Variants in NBAS observed in about 807,000 individuals in gnomAD.
The protein encoded by NBAS is NAG/BC035112 fusion.
In NBAS, 219 loss-of-function variants were observed where a neutral mutation model predicts 302.5. The observed-to-expected ratio is 0.72, with a 90% confidence interval of 0.65 to 0.81. The LOEUF (loss-of-function observed/expected upper bound fraction) is 0.81. NBAS is among the 30% of genes least tolerant of loss of function. The probability of loss-of-function intolerance (pLI) is 0.00; values close to 1 mark genes in which losing one functional copy is unlikely to be tolerated. For synonymous variants in NBAS, 1,118 were observed against 1,021.6 expected (o/e 1.09, Z -1.80); for missense variants, 2,932 against 2,841.6 (o/e 1.03, Z -0.72).
chr2:14,818,564 C>T, the NBAS span, among the ~76,000 whole-genome samples: 3 of 152,254 alleles, frequency 2.0e-5, no homozygotes, highest in South Asian at 6.2e-4. Flanking sequence ...CAGCATGTCT[C>T]TCTCAACAGA....
intron 48 of NBAS, among the ~76,000 whole-genome samples, chr2:15,195,703 T>C (rs915562802): frequency 2.0e-5 from 3 of 152,188 alleles, no homozygotes; most frequent in South Asian, 2.1e-4. Flanking sequence ...AGAAAACTCC[T>C]GAAGCTGGTG....
chr2:15,275,286 A>G (rs557168498), intron 44 of NBAS, among the ~76,000 whole-genome samples, 198 bp downstream of exon 44: 45 of 152,338 alleles, frequency 3.0e-4, no homozygotes, highest in African/African-American at 7.7e-4. Context: ...CTATTTTAGC[A>G]TATTTGTACA....
the NBAS span, among the ~76,000 whole-genome samples, chr2:15,097,922 T>TTATATTGTATATAA: frequency 1.7e-5 from 2 of 117,796 alleles, no homozygotes; most frequent in African/African-American, 6.5e-5. Flanking sequence ...ATATTATATA[T>TTATATTGTATATAA]TATATATATT....
the NBAS span, among the ~76,000 whole-genome samples, chr2:15,129,937 C>T: frequency 6.6e-6 from 1 of 152,346 alleles, no homozygotes; most frequent in South Asian, 2.1e-4. Flanking sequence ...TTAAAATACA[C>T]ATAACGTAAA....
At chr2:15,522,441 C>T (rs937331986) in intron 9 of NBAS, among the ~76,000 whole-genome samples, 3 of 152,084 alleles carry the variant, frequency 2.0e-5, no homozygotes, top group African/African-American at 7.2e-5. Context: ...ATGATGAACA[C>T]AGAATATAAT....
the NBAS span, among the ~76,000 whole-genome samples, chr2:15,142,366 G>A: frequency 1.3e-5 from 2 of 152,222 alleles, no homozygotes; most frequent in Non-Finnish European, 2.9e-5. Context: ...TGTCACATCC[G>A]GGAGGAGGCA....
chr2:14,819,924 A>T, the NBAS span, among the ~76,000 whole-genome samples: 1 of 152,258 alleles, frequency 6.6e-6, no homozygotes, highest in Non-Finnish European at 1.5e-5. Context: ...CCTCAACATC[A>T]TTGATCATCA....
the NBAS span, among the ~76,000 whole-genome samples, chr2:15,108,859 T>C: frequency 6.6e-6 from 1 of 152,130 alleles, no homozygotes; most frequent in Admixed American, 6.6e-5. Context: ...TAGGGTAGCA[T>C]ATAAGATCAA....
intron 13 of NBAS, 130 bp downstream of exon 13, chr2:15,478,096 C>T: frequency 1.7e-6 from 1 of 583,044 alleles, no homozygotes; most frequent in Non-Finnish European, 2.9e-6. Context: ...TGACCCAACT[C>T]TATGAAATCT....
chr2:14,783,505 G>A, the NBAS span, among the ~76,000 whole-genome samples: 2 of 126,482 alleles, frequency 1.6e-5, no homozygotes, highest in Non-Finnish European at 3.1e-5. Context: ...AGAGTGTGAT[G>A]TTCCCCTTCC....
chr2:14,929,744 T>C, the NBAS span, among the ~76,000 whole-genome samples: 1 of 152,148 alleles, frequency 6.6e-6, no homozygotes, highest in Non-Finnish European at 1.5e-5. Context: ...TCTCTGAATA[T>C]TCCTAGCACA....
chr2:15,057,314 G>GAA, the NBAS span, among the ~76,000 whole-genome samples: 493 of 135,690 alleles, frequency 3.6e-3, 4 homozygotes, highest in Non-Finnish European at 4.7e-3. Context: ...ACAGAAATTT[G>GAA]AAAAAAAAAA....
chr2:15,496,877 C>T (rs929590170), intron 11 of NBAS, among the ~76,000 whole-genome samples: 12 of 151,898 alleles, frequency 7.9e-5, no homozygotes, highest in Admixed American at 2.6e-4. Flanking sequence ...TTGATTACTG[C>T]TATGGAAGAA....
chr2:15,222,879 T>G (rs1269263057), intron 47 of NBAS, among the ~76,000 whole-genome samples: 1 of 152,230 alleles, frequency 6.6e-6, no homozygotes, highest in Non-Finnish European at 1.5e-5. Context: ...TTTCAAGTTA[T>G]TAAATCAAAT....
chr2:14,968,538 A>T, the NBAS span, among the ~76,000 whole-genome samples: 1 of 152,214 alleles, frequency 6.6e-6, no homozygotes, highest in Non-Finnish European at 1.5e-5. Flanking sequence ...CTTGGCTTCA[A>T]GAAATCCTCC....
the NBAS span, among the ~76,000 whole-genome samples, chr2:15,093,440 A>C: frequency 6.6e-6 from 1 of 152,254 alleles, no homozygotes; most frequent in Non-Finnish European, 1.5e-5. Flanking sequence ...AAAGGGCACT[A>C]TTGTATTGCT....
chr2:15,114,532 G>A, the NBAS span, among the ~76,000 whole-genome samples: 2 of 152,156 alleles, frequency 1.3e-5, no homozygotes, highest in Non-Finnish European at 2.9e-5. Flanking sequence ...TTATGGTGAC[G>A]CAGTTCAACC....
chr2:15,423,303 T>A lies in NBAS; in HGVS notation c.2577+1012A>T, dbSNP rs144510482. Among the ~76,000 whole-genome samples, 447 of 152,306 alleles carry A rather than the reference T, an allele frequency of 2.9e-3. 2 individuals carry two copies. Among genetic ancestry groups the A allele is most frequent in the African/African-American group, 0.01 (418 of 41,564 alleles). On this transcript the variant is annotated intron_variant, in intron 23 of 51. Transcript: ENST00000281513. The stretch of plus-strand genomic sequence containing the variant: ...AGACTAGGATGTCAATCACAAATGT[T>A]CTTGGCCATCACCCAAAGAGTTTAG...
the NBAS span, among the ~76,000 whole-genome samples, chr2:14,980,566 C>A: frequency 6.6e-6 from 1 of 152,052 alleles, no homozygotes; most frequent in Admixed American, 6.6e-5. Context: ...CCAGACCACC[C>A]TATAGGGAGG....
Sources: allele counts gnomAD v4.1 joint callset (sites outside exome capture counted in the v4.1 genomes callset), GRCh38; gene constraint gnomAD v4.1.1; transcripts MANE v1.5; gene names NCBI Gene and HGNC (gene_info 2026-07-23, HGNC 2026-07-21).